NOS3: variants seen among roughly 807,000 people sequenced by gnomAD.
NOS3 encodes the protein NOS type III.
In NOS3, 98 loss-of-function variants were observed where a neutral mutation model predicts 144.9. The observed-to-expected ratio is 0.68, with a 90% CI of 0.57 to 0.80. The LOEUF (loss-of-function observed/expected upper bound fraction) is 0.80. Among genes scored for constraint, NOS3 ranks in the 30% least tolerant of loss-of-function variants. NOS3 has a pLI of 0.00. For missense variants in NOS3, 1,465 were observed against 1,656.4 expected (o/e 0.88, Z 2.01); for synonymous variants, 714 against 702.4 (o/e 1.02, Z -0.26).
Position 151,009,079 on chromosome 7 carries a change from C to G in NOS3, c.2245+17C>G. 6.2e-7 allele frequency: 1 copy of G among 1,613,024 alleles called. No homozygotes were observed. Among genetic ancestry groups the G allele is most frequent in the Non-Finnish European group, 8.5e-7 (1 of 1,179,626 alleles). On this transcript the variant is annotated intron_variant, in intron 18 of 26. Coordinates refer to ENST00000297494, the MANE Select transcript of NOS3 (RefSeq NM_000603.5). ...TGCTGCCAGGTGGGCCCTGCCCTCA[C>G]CCTAACCCGGCTGGTTCTCTGAGGC...
At chr7:150,991,433 C>T (rs1802253607) in intron 1 of NOS3, 133 bp downstream of exon 1, 1 of 152,830 alleles carries the variant, frequency 6.5e-6, no homozygotes, top group South Asian at 2.1e-4. Context: ...AGCAGCGGCC[C>T]AGGGGCAGGG....
At chr7:151,010,050 C>T in intron 20 of NOS3, 65 bp from the exon 21 acceptor site, 1 of 1,024,594 alleles carries the variant, frequency 9.8e-7, no homozygotes, top group Non-Finnish European at 1.5e-6. Context: ...AAAACACAAA[C>T]ATCAGCCCAG....
chr7:151,010,026 C>T (rs1164276854), intron 20 of NOS3, 89 bp from the exon 21 acceptor site: 2 of 848,826 alleles, frequency 2.4e-6, no homozygotes, highest in Admixed American at 4.1e-5. Context: ...AGGGCAGGCT[C>T]TCTAACAGTC....
intron 17 of NOS3, 187 bp from the exon 18 acceptor site, chr7:151,008,743 C>T: frequency 3.3e-6 from 2 of 605,888 alleles, no homozygotes; most frequent in East Asian, 2.9e-5. Flanking sequence ...AAGAGCCAGC[C>T]GGGTCCCTGG....
rs759850942 is a variant in NOS3 at position 150,993,821 on chromosome 7, C to T, written c.18C>T (p.Ser6=). 12 of 1,597,620 alleles carry T rather than the reference C, an allele frequency of 7.5e-6. No individual in the cohort carries two copies. The highest frequency in any genetic ancestry group is 3.4e-5 in the South Asian group (3 of 89,406). MGNLK[S]VAQEPGPPCG... ...ACAGTAACATGGGCAACTTGAAGAGCGTGGCCCAGGAGCCTGGGCCACCCT... is the reference window on the plus strand; with the variant it reads ...ACAGTAACATGGGCAACTTGAAGAGTGTGGCCCAGGAGCCTGGGCCACCCT... The change falls in exon 2 of 27, where the codon AGC becomes AGT. Residue 6 remains serine (S), a synonymous_variant. Transcript: ENST00000297494. This position sits in a 1 kb window ranked among gnomAD's most constrained non-coding sequence, Gnocchi z 4.0.
Position 150,999,181 on chromosome 7 carries a change from C to T in NOS3, c.957-9C>T. On this transcript the variant is annotated splice_polypyrimidine_tract_variant and intron_variant, in intron 8 of 26. Transcript: ENST00000297494. The stretch of plus-strand genomic sequence containing the variant: ...AGGGGGTGCTGATCCCACACCCCAA[C>T]ACCCCCAGGCTGGAGTGGTTTGCAG... 2.5e-6 allele frequency: 4 copies of T among 1,609,280 alleles called. No individual in the cohort carries two copies. In the South Asian group the frequency reaches 4.4e-5, roughly 18 times the overall value.
rs1428679811 is a variant in NOS3, at chr7:150,998,033, GGC to G, written c.583-322_583-321del. ...GGGGGATTTGCTGCCCACACTCCTA[GGC>G]GGCCTCTTAGACATCCGTTGGTGCC... On this transcript the variant is annotated intron_variant, in intron 5 of 26. Transcript: ENST00000297494. The surrounding 1 kb of genome is among the most constrained non-coding windows in gnomAD (Gnocchi z 5.0). 6.6e-6 allele frequency among the ~76,000 whole-genome samples: 1 copy of G among 152,210 alleles called. No individual in the cohort carries two copies. The highest frequency in any genetic ancestry group is 2.4e-5 in the African/African-American group (1 of 41,446).
In NOS3 at chr7:151,008,921, G is replaced by A; in HGVS notation, c.2113-9G>A. The A allele has an allele frequency of 6.2e-7, 1 of 1,605,460 alleles. No individual in the cohort carries two copies. The highest frequency in any genetic ancestry group is 8.5e-7 in the Non-Finnish European group (1 of 1,177,058). On this transcript the variant is annotated splice_polypyrimidine_tract_variant and intron_variant, in intron 17 of 26. Transcript: ENST00000297494. ...GGAGGTCCTCAGCCCTCACCGGCCT[G>A]TCCCGCAGGCCGCCTGTGAGACCTT...
At chr7:151,013,672 C>CG in intron 25 of NOS3, 52 bp from the exon 26 acceptor site, 3 of 1,426,622 alleles carry the variant, frequency 2.1e-6, no homozygotes, top group Non-Finnish European at 2.8e-6. Flanking sequence ...CCCCGGGCTG[C>CG]GCCCCCGCGC....
rs747627829 is a variant in NOS3 at position 151,013,887 on chromosome 7, A to T, written c.3419A>T (p.Asp1140Val). 2 of 1,601,266 alleles carry T rather than the reference A, an allele frequency of 1.2e-6. No homozygotes were observed. Among genetic ancestry groups the T allele is most frequent in the Non-Finnish European group, 1.7e-6 (2 of 1,174,322 alleles). ...GCGACGGAGGGCGACATGGAGCTGG[A>T]CGAGGCCGGCGACGTCATCGGCGTG... The part of the protein sequence containing the change: ...ILATEGDMEL[D>V]EAGDVIGVLR... The change falls in exon 26 of 27, where the codon GAC becomes GTC. Residue 1140 changes from aspartate (D) to valine (V), a missense_variant. Transcript: ENST00000297494.
chr7:150,999,748 G>A (rs1279821850), intron 9 of NOS3, among the ~76,000 whole-genome samples: 19 of 149,644 alleles, frequency 1.3e-4, no homozygotes, highest in African/African-American at 2.5e-5. Flanking sequence ...GGTTTGTGGG[G>A]GTAGGTGACT....
chr7:150,992,163 A>G (rs1313835373), intron 1 of NOS3, among the ~76,000 whole-genome samples: 1 of 140,348 alleles, frequency 7.1e-6, no homozygotes, highest in African/African-American at 2.7e-5. Flanking sequence ...AAAAAAAAAG[A>G]CAGAAGGATG....
In NOS3 at chr7:150,999,271, G is replaced by A. The variant is rs776921691; in HGVS notation, c.1038G>A (p.Leu346=). 3 of 1,612,176 alleles carry A rather than the reference G, an allele frequency of 1.9e-6. No homozygotes were observed. In the African/African-American group the frequency reaches 4.0e-5, roughly 22 times the overall value. ...VSNMLLEIGG[L]EFPAAPFSGW... ...ACATGCTGCTGGAAATTGGGGGCCT[G>A]GAGTTCCCCGCAGCCCCCTTCAGTG... is the stretch of plus-strand genomic sequence containing the variant. The change falls in exon 9 of 27, where the codon CTG becomes CTA. Residue 346 remains leucine (L), a synonymous_variant. Transcript: ENST00000297494.
chr7:151,001,044 C>T (rs1390346638), intron 10 of NOS3, among the ~76,000 whole-genome samples, 187 bp from the exon 11 acceptor site: 1 of 152,084 alleles, frequency 6.6e-6, no homozygotes, highest in African/African-American at 2.4e-5. Flanking sequence ...GCATGTTGAA[C>T]CTGCAGCATG....
chr7:151,000,876 T>A (rs1226545649), intron 10 of NOS3, among the ~76,000 whole-genome samples: 2 of 152,156 alleles, frequency 1.3e-5, no homozygotes, highest in Non-Finnish European at 1.5e-5. Context: ...TATTGGGTAT[T>A]GCAGTTTGTG....
In NOS3 at chr7:151,013,270, G is replaced by T. The variant is rs1474354751; in HGVS notation, c.3146G>T (p.Arg1049Leu). Residue 1049 changes from arginine (R) to leucine (L), a missense_variant, in exon 25 of 27, where the codon CGA (arginine) becomes CTA (leucine). By Grantham distance (102) the Arg-to-Leu change is moderately radical (BLOSUM62 -2). Coordinates refer to ENST00000297494, the MANE Select transcript of NOS3 (RefSeq NM_000603.5). ...CCCATGACTTTGGTGTTCGGCTGCC[G>T]ATGCTCCCAACTTGACCATCTCTAC... ...PTPMTLVFGC[R>L]CSQLDHLYRD... 2 of 1,613,828 alleles carry T rather than the reference G, an allele frequency of 1.2e-6. No homozygotes were observed. The highest frequency in any genetic ancestry group is 2.7e-5 in the African/African-American group (2 of 74,926).
chr7:150,993,974 C>A lies in NOS3; in HGVS notation c.158+13C>A. The A allele has an allele frequency of 1.7e-5, 26 of 1,548,620 alleles. No individual in the cohort carries two copies. Among genetic ancestry groups the A allele is most frequent in the Non-Finnish European group, 2.2e-5 (25 of 1,150,668 alleles). On this transcript the variant is annotated intron_variant, in intron 2 of 26. Transcript: ENST00000297494. This position sits in a 1 kb window ranked among gnomAD's most constrained non-coding sequence, Gnocchi z 4.0. ...CGCCAGAACACAGGTAAGGGCCAGG[C>A]AGCTAGGAGCAGGTGGGCAACAAGG... is the stretch of plus-strand genomic sequence containing the variant.
intron 24 of NOS3, chr7:151,012,982 G>A (rs1795339393): frequency 1.9e-6 from 1 of 525,134 alleles, no homozygotes; most frequent in Non-Finnish European, 3.3e-6. Flanking sequence ...TGAGTCCGAA[G>A]CCGCGCATTC....
Position 151,014,219 on chromosome 7 carries a change from A to C in NOS3, c.*50A>C, listed in dbSNP as rs1307923997. Reference sequence around the variant, plus strand: ...TTCCGGGAGAGCGGCTGCCCGACTCAGGTCCGCCCGACCAGGATCAGCCCC... The same window carrying C: ...TTCCGGGAGAGCGGCTGCCCGACTCCGGTCCGCCCGACCAGGATCAGCCCC... On this transcript the variant is annotated 3_prime_UTR_variant, in exon 27 of 27. Coordinates refer to ENST00000297494, the MANE Select transcript of NOS3 (RefSeq NM_000603.5). 6.5e-7 allele frequency: 1 copy of C among 1,538,190 alleles called. No individual in the cohort carries two copies. Among genetic ancestry groups the C allele is most frequent in the African/African-American group, 1.4e-5 (1 of 73,470 alleles).
Sources: gnomAD v4.1 joint callset for allele counts (sites outside exome capture counted in the v4.1 genomes callset) on GRCh38, gnomAD v4.1.1 for gene constraint, Gnocchi (gnomAD v3.1) non-coding constraint, MANE v1.5 for transcripts, NCBI Gene and HGNC (gene_info 2026-07-23, HGNC 2026-07-21) for gene names.